Variants in ZNF557 observed in about 807,000 individuals in gnomAD.
ZNF557 encodes CTB-25J19.9.
In ZNF557, 19 loss-of-function variants were observed where a neutral mutation model predicts 21.2. That is an observed-to-expected ratio of 0.90 (90% CI 0.63 to 1.32). The LOEUF is 1.32. Among genes scored for constraint, ZNF557 ranks in the 40% most tolerant of loss-of-function variants. The pLI is 0.00. For synonymous variants in ZNF557, 207 were observed against 194.8 expected, an observed-to-expected ratio of 1.06 and a Z score of -0.52; for missense variants, 487 against 519.8, an observed-to-expected ratio of 0.94 and a Z score of 0.61.
Position 7,083,365 on chromosome 19 carries a change from C to A in ZNF557, c.914C>A (p.Ser305Ter), listed in dbSNP as rs1173205034. ...NQCGKAFGTR[S>*]SLSSHYSIHT... ...TGTGGAAAGGCTTTCGGCACGAGGT[C>A]ATCTCTTTCTTCGCACTATAGCATT... The change falls in exon 8 of 8, where the codon TCA (serine) becomes TAA (stop). Residue 305 changes from serine (S) to a stop codon, truncating the protein, a stop_gained. Coordinates refer to ENST00000252840, the MANE Select transcript of ZNF557 (RefSeq NM_024341.3). LOFTEE classifies it low-confidence loss of function (END_TRUNC). The A allele has an allele frequency of 6.2e-7, 1 of 1,614,218 alleles. No homozygotes were observed. Among genetic ancestry groups the A allele is most frequent in the Admixed American group, 1.7e-5 (1 of 60,010 alleles).
Position 7,083,085 on chromosome 19 carries a change from G to A in ZNF557, c.634G>A (p.Asp212Asn). 1 of 1,614,116 alleles carries A rather than the reference G, an allele frequency of 6.2e-7. No homozygotes were observed. The highest frequency in any genetic ancestry group is 8.5e-7 in the Non-Finnish European group (1 of 1,179,980). Reference protein sequence around the residue: ...HNGEKPYECNDCGKTFSSRSY... With the variant: ...HNGEKPYECNNCGKTFSSRSY... ...TGGGGAGAAACCCTATGAATGCAAT[G>A]ACTGTGGGAAAACCTTCAGCAGCAG... is the stretch of plus-strand genomic sequence containing the variant. Residue 212 changes from aspartate to asparagine, a missense_variant, in exon 8 of 8, where the codon GAC becomes AAC. Transcript: ENST00000252840.
At chr19:7,080,595 C>T (rs1301535689) in intron 5 of ZNF557, among the ~76,000 whole-genome samples, 1 of 152,122 alleles carries the variant, frequency 6.6e-6, no homozygotes, top group Non-Finnish European at 1.5e-5. Flanking sequence ...AGAGAACAGC[C>T]ACAGGTTTTT....
chr19:7,081,128 C>T (rs1439290377), intron 5 of ZNF557, among the ~76,000 whole-genome samples: 1 of 150,688 alleles, frequency 6.6e-6, no homozygotes, highest in Non-Finnish European at 1.5e-5. Flanking sequence ...TATCCTGCAA[C>T]CACCCTAGAT....
chr19:7,081,666 G>C (rs565065068), intron 6 of ZNF557, among the ~76,000 whole-genome samples: 46 of 152,192 alleles, frequency 3.0e-4, no homozygotes, highest in African/African-American at 1.1e-3. Context: ...TTGGGCCTCA[G>C]GGGAGAAAAA....
In ZNF557 at chr19:7,087,827, T is replaced by C. The variant is rs1334709024; in HGVS notation, c.*4083T>C. On this transcript the variant is annotated 3_prime_UTR_variant, in exon 8 of 8. Transcript: ENST00000252840. ...GCTCCATGATTCTCTGAAAACAGTA[T>C]ACTATGTATCTAATTTTTGGATACA... 1.3e-5 allele frequency: 2 copies of C among 152,172 alleles called. No individual in the cohort carries two copies. The highest frequency in any genetic ancestry group is 6.5e-5 in the Admixed American group (1 of 15,274). The allele number at this position is 152,172 out of a possible 1,614,324, so 9.4% of individuals were successfully genotyped here. A position where few individuals can be genotyped will look rare whatever the true frequency, so the allele number is the denominator to read the frequency against.
At chr19:7,074,851 C>T (rs1386355102) in intron 2 of ZNF557, 145 bp from the exon 3 acceptor site, 10 of 453,784 alleles carry the variant, frequency 2.2e-5, no homozygotes, top group South Asian at 7.9e-5. Context: ...AGGCAGGGCA[C>T]GGGCAGGAGG....
At chr19:7,075,862 C>T in intron 4 of ZNF557, 119 bp downstream of exon 4, 1 of 1,507,142 alleles carries the variant, frequency 6.6e-7, no homozygotes. Context: ...CCCAGGGTCT[C>T]TGAGTGAGGG....
At chr19:7,079,310 T>C (rs552990017) in intron 5 of ZNF557, among the ~76,000 whole-genome samples, 1,797 of 148,194 alleles carry the variant, frequency 0.012, 18 homozygotes, top group Non-Finnish European at 0.018. Context: ...GGTGCAATCT[T>C]GGCTAACTGC....
At chr19:7,076,295 C>T in intron 4 of ZNF557, 86 bp from the exon 5 acceptor site, 1 of 1,613,412 alleles carries the variant, frequency 6.2e-7, no homozygotes, top group South Asian at 1.1e-5. Flanking sequence ...GTTTCCCCAG[C>T]CCTGGCTCTG....
chr19:7,080,066 C>T (rs1232920367), intron 5 of ZNF557, among the ~76,000 whole-genome samples: 1 of 152,138 alleles, frequency 6.6e-6, no homozygotes, highest in Non-Finnish European at 1.5e-5. Context: ...CTTTGGGAGG[C>T]TGAGGTGGGC....
chr19:7,075,197 G>A, intron 3 of ZNF557, 92 bp downstream of exon 3: 4 of 1,583,000 alleles, frequency 2.5e-6, no homozygotes, highest in Non-Finnish European at 3.5e-6. Context: ...CAGAGCAGGT[G>A]AGGCAGGAGT....
intron 5 of ZNF557, among the ~76,000 whole-genome samples, chr19:7,079,305 A>C (rs544734454): frequency 1.9e-4 from 27 of 140,252 alleles, no homozygotes; most frequent in Non-Finnish European, 3.8e-4. Flanking sequence ...GCAGTGGTGC[A>C]ATCTTGGCTA....
chr19:7,075,176 AG>A, intron 3 of ZNF557, 71 bp downstream of exon 3: 1 of 1,607,838 alleles, frequency 6.2e-7, no homozygotes, highest in Non-Finnish European at 8.5e-7. Context: ...ATGGGATGGG[AG>A]GGGGTTGGGC....
Position 7,083,525 on chromosome 19 carries a change from C to T in ZNF557, c.1074C>T (p.Thr358=). The T allele has an allele frequency of 6.2e-7, 1 of 1,614,110 alleles. No homozygotes were observed. The highest frequency in any genetic ancestry group is 8.5e-7 in the Non-Finnish European group (1 of 1,180,014). Residue 358 remains threonine (T), a synonymous_variant, in exon 8 of 8, where the codon ACC becomes ACT. Transcript: ENST00000252840. ...YTCNECGKSF[T]NSFSLTIHRR... ...GTAATGAGTGTGGGAAATCCTTTAC[C>T]AATAGCTTTTCTCTTACAATTCACA...
Position 7,083,411 on chromosome 19 carries a change from C to G in ZNF557, c.960C>G (p.Tyr320Ter), listed in dbSNP as rs117503786. 1 of 1,614,194 alleles carries G rather than the reference C, an allele frequency of 6.2e-7. No homozygotes were observed. The highest frequency in any genetic ancestry group is 2.2e-5 in the East Asian group (1 of 44,880). Residue 320 changes from tyrosine (Y) to a stop codon, truncating the protein, a stop_gained, in exon 8 of 8, where the codon TAC (tyrosine) becomes TAG (stop). Transcript: ENST00000252840. LOFTEE classifies it low-confidence loss of function (END_TRUNC). Reference protein sequence around the residue: ...HYSIHTGEYPYECHDCGRTFR... With the variant: ...HYSIHTGEYP ...GCATTCATACAGGGGAGTACCCTTA[C>G]GAATGCCACGATTGTGGGAGAACCT...
Position 7,083,558 on chromosome 19 carries a change from A to G in ZNF557, c.1107A>G (p.Ile369Met), listed in dbSNP as rs751996548. 22 of 1,614,084 alleles carry G rather than the reference A, an allele frequency of 1.4e-5. No homozygotes were observed. In the East Asian group the frequency reaches 4.5e-4, roughly 33 times the overall value. ...NSFSLTIHRR[I>M]HNGEKSYECS... ...TTTCTCTTACAATTCACAGGAGAAT[A>G]CATAATGGAGAGAAATCCTATGAGT... Residue 369 changes from isoleucine to methionine, a missense_variant, in exon 8 of 8, where the codon ATA becomes ATG. Coordinates refer to ENST00000252840, the MANE Select transcript of ZNF557 (RefSeq NM_024341.3).
At chr19:7,082,137 C>G in intron 7 of ZNF557, 85 bp downstream of exon 7, 1 of 1,077,798 alleles carries the variant, frequency 9.3e-7, no homozygotes, top group Middle Eastern at 2.5e-4. Flanking sequence ...CCTTGTTGGC[C>G]AGGCACAGTG....
chr19:7,074,898 G>A (rs1463403353), intron 2 of ZNF557, 98 bp from the exon 3 acceptor site: 2 of 908,402 alleles, frequency 2.2e-6, no homozygotes, highest in Non-Finnish European at 3.4e-6. Flanking sequence ...AGGAGACGGG[G>A]TGACCGAGGC....
Position 7,075,163 on chromosome 19 carries a change from A to G in ZNF557, c.31+58A>G, listed in dbSNP as rs1424579874. ...CCAGGCTTGAAAGGTCCTGACCCAC[A>G]GCATGGGATGGGAGGGGGTTGGGCA... On this transcript the variant is annotated intron_variant, in intron 3 of 7. Coordinates refer to ENST00000252840, the MANE Select transcript of ZNF557 (RefSeq NM_024341.3). 4 of 1,610,834 alleles carry G rather than the reference A, an allele frequency of 2.5e-6. No individual in the cohort carries two copies. The Admixed American group carries it at 5.0e-5, about 20-fold the overall frequency.
Sources: allele counts gnomAD v4.1 joint callset (sites outside exome capture counted in the v4.1 genomes callset), GRCh38; gene constraint gnomAD v4.1.1; transcripts MANE v1.5; gene names NCBI Gene and HGNC (gene_info 2026-07-23, HGNC 2026-07-21).